Variants in PRKG1 observed in about 807,000 individuals in gnomAD.
PRKG1 encodes protein kinase cGMP-dependent 1.
A neutral mutation model predicts 88.1 loss-of-function variants in PRKG1; 35 were observed. That is an observed-to-expected ratio of 0.40 (90% CI 0.30 to 0.53). PRKG1 has a LOEUF of 0.53. Among genes scored for constraint, PRKG1 ranks in the 20% least tolerant of loss-of-function variants. The pLI, the probability that PRKG1 is intolerant of heterozygous loss-of-function variation, is 0.59. For missense variants in PRKG1, 540 were observed against 839.8 expected, an observed-to-expected ratio of 0.64 and a Z score of 4.41; for synonymous variants, 303 against 292.5, an observed-to-expected ratio of 1.04 and a Z score of -0.37.
chr10:51,731,013 G>A (rs1395679911), intron 3 of PRKG1, among the ~76,000 whole-genome samples: 4 of 152,014 alleles, frequency 2.6e-5, no homozygotes, highest in Admixed American at 6.6e-5. Context: ...AAAATTAGCC[G>A]AGTGTGGTGG....
At chr10:51,865,995 T>C (rs1841005209) in intron 4 of PRKG1, among the ~76,000 whole-genome samples, 1 of 152,070 alleles carries the variant, frequency 6.6e-6, no homozygotes, top group African/African-American at 2.4e-5. Flanking sequence ...CAGTCGTATG[T>C]ATCATTATCC....
chr10:51,970,764 TTA>T (rs199903368), intron 5 of PRKG1, among the ~76,000 whole-genome samples: 2,143 of 144,484 alleles, frequency 0.015, 73 homozygotes, highest in African/African-American at 0.052. Flanking sequence ...ATATATCAGA[TTA>T]TATATATATA....
chr10:52,164,560 G>A (rs545676183), intron 9 of PRKG1, among the ~76,000 whole-genome samples: 4 of 151,910 alleles, frequency 2.6e-5, no homozygotes, highest in South Asian at 2.1e-4. Flanking sequence ...ATTAAACCTT[G>A]CCTAGAAAAC....
chr10:52,253,490 T>C (rs1841231405), intron 10 of PRKG1: 1 of 144,986 alleles, frequency 6.9e-6, no homozygotes. Flanking sequence ...AGCCTCAAAA[T>C]TGGGAAGAAT....
intron 4 of PRKG1, among the ~76,000 whole-genome samples, chr10:51,887,469 T>C (rs1475296929): frequency 8.1e-6 from 1 of 123,540 alleles, no homozygotes; most frequent in Non-Finnish European, 1.8e-5. Flanking sequence ...AGTTCTATTT[T>C]AAATTTTTTG....
intron 2 of PRKG1, among the ~76,000 whole-genome samples, chr10:51,393,124 G>C (rs1403363361): frequency 1.7e-5 from 2 of 118,564 alleles, no homozygotes; most frequent in African/African-American, 7.4e-5. Flanking sequence ...CGGGCGGAGG[G>C]TCTCCTCACT....
chr10:52,105,607 A>ACCTTTTT (rs761660896), intron 7 of PRKG1, among the ~76,000 whole-genome samples: 1,525 of 152,170 alleles, frequency 0.01, 23 homozygotes, highest in African/African-American at 0.031. Context: ...TTTTTTTTCA[A>ACCTTTTT]AGTTAATACC....
At chr10:52,272,940 A>G (rs753629972) in intron 12 of PRKG1, among the ~76,000 whole-genome samples, 13 of 151,968 alleles carry the variant, frequency 8.6e-5, no homozygotes, top group Non-Finnish European at 1.9e-4. Flanking sequence ...CTACCTTTAC[A>G]TGGCTCTTTG....
At chr10:51,342,203 T>C (rs1018996755) in intron 2 of PRKG1, among the ~76,000 whole-genome samples, 12 of 152,156 alleles carry the variant, frequency 7.9e-5, no homozygotes, top group Non-Finnish European at 1.6e-4. Context: ...GGACTCCTAA[T>C]GGTTATTTGT....
intron 5 of PRKG1, among the ~76,000 whole-genome samples, chr10:51,996,220 C>T (rs1036899939): frequency 1.4e-5 from 2 of 141,478 alleles, no homozygotes; most frequent in East Asian, 2.3e-4. Flanking sequence ...GAGGCTTTGA[C>T]AGGAGAATCG....
At chr10:51,736,107 G>A (rs981991944) in intron 3 of PRKG1, among the ~76,000 whole-genome samples, 3 of 151,274 alleles carry the variant, frequency 2.0e-5, no homozygotes, top group African/African-American at 7.3e-5. Flanking sequence ...GGCCAGGCAG[G>A]TCTCCAACTC....
At chr10:51,428,182 G>A (rs551030294) in intron 2 of PRKG1, among the ~76,000 whole-genome samples, 20 of 152,218 alleles carry the variant, frequency 1.3e-4, no homozygotes, top group African/African-American at 4.3e-4. Context: ...ATGCATCCTC[G>A]TTATGCAACT....
chr10:52,025,666 G>A, intron 5 of PRKG1, among the ~76,000 whole-genome samples: 2 of 151,614 alleles, frequency 1.3e-5, no homozygotes, highest in Non-Finnish European at 2.9e-5. Context: ...TGAGGTCTCT[G>A]TTCTGTTCCA....
intron 3 of PRKG1, among the ~76,000 whole-genome samples, chr10:51,670,628 T>C (rs891919982): frequency 1.8e-4 from 26 of 147,912 alleles, no homozygotes; most frequent in African/African-American, 4.7e-4. Context: ...CCCAGCTACT[T>C]GGGAGGCTGA....
intron 3 of PRKG1, among the ~76,000 whole-genome samples, chr10:51,532,682 GTCAATGTTA>G (rs572871592): frequency 8.5e-4 from 129 of 152,214 alleles, no homozygotes; most frequent in African/African-American, 3.1e-3. Context: ...CCAGTAGTTG[GTCAATGTTA>G]TTTCTGTGGT....
chr10:51,730,272 C>T (rs1284241462), intron 3 of PRKG1, among the ~76,000 whole-genome samples: 3 of 152,186 alleles, frequency 2.0e-5, no homozygotes, highest in Non-Finnish European at 4.4e-5. Flanking sequence ...AGCCTCAAGC[C>T]TTTGCATTGC....
chr10:51,494,044 G>T (rs927829), intron 3 of PRKG1, among the ~76,000 whole-genome samples: 25,581 of 151,958 alleles, frequency 0.17, 3,144 homozygotes, highest in African/African-American at 0.35. Context: ...TATATTGATT[G>T]ATTTTTTAAT....
intron 10 of PRKG1, among the ~76,000 whole-genome samples, chr10:52,268,088 G>T (rs190531612): frequency 6.6e-6 from 1 of 152,020 alleles, no homozygotes; most frequent in Admixed American, 6.6e-5. Flanking sequence ...TGTGAGTCTT[G>T]TAGCATTCTG....
intron 3 of PRKG1, among the ~76,000 whole-genome samples, chr10:51,529,760 T>C (rs1390766987): frequency 6.6e-6 from 1 of 152,200 alleles, no homozygotes; most frequent in African/African-American, 2.4e-5. Flanking sequence ...TTTGTTTATA[T>C]AGCTGTCCTA....
Sources: allele counts gnomAD v4.1 joint callset (sites outside exome capture counted in the v4.1 genomes callset), GRCh38; gene constraint gnomAD v4.1.1; transcripts MANE v1.5; gene names NCBI Gene and HGNC (gene_info 2026-07-23, HGNC 2026-07-21).